Variants in MET observed in about 807,000 individuals in gnomAD.
MET encodes hepatocyte growth factor receptor.
MET carries 48 observed loss-of-function variants against 133.1 expected under a neutral mutation model. The ratio of observed to expected loss-of-function variants is 0.36; its 90% CI spans 0.29 to 0.46. MET has a LOEUF of 0.46. Among genes scored for constraint, MET ranks in the 20% least tolerant of loss-of-function variants. The pLI, the probability that MET is intolerant of heterozygous loss-of-function variation, is 1.00. For synonymous variants in MET, 628 were observed against 616.5 expected, an observed-to-expected ratio of 1.02 and a Z score of -0.28; for missense variants, 1,442 against 1,695.9, an observed-to-expected ratio of 0.85 and a Z score of 2.63.
chr7:116,734,065 T>G (rs1295127328), intron 3 of MET, among the ~76,000 whole-genome samples: 1 of 152,214 alleles, frequency 6.6e-6, no homozygotes, highest in Non-Finnish European at 1.5e-5. Flanking sequence ...AGCACAGATA[T>G]GGCAACCTCC....
chr7:116,729,757 T>A (rs1792926493), intron 2 of MET, among the ~76,000 whole-genome samples: 1 of 152,198 alleles, frequency 6.6e-6, no homozygotes, highest in Non-Finnish European at 1.5e-5. Context: ...TACTCCCATT[T>A]GTCCCTTATA....
At chr7:116,695,417 T>C (rs1287589229) in intron 1 of MET, among the ~76,000 whole-genome samples, 2 of 152,236 alleles carry the variant, frequency 1.3e-5, no homozygotes, top group Non-Finnish European at 2.9e-5. Flanking sequence ...ATATACTCTA[T>C]ATTGATCAAA....
At chr7:116,687,101 G>A (rs569283948) in intron 1 of MET, among the ~76,000 whole-genome samples, 1 of 152,302 alleles carries the variant, frequency 6.6e-6, no homozygotes, top group African/African-American at 2.4e-5. Flanking sequence ...TGGAAAAGTT[G>A]TTTGTTTTAA....
intron 14 of MET, among the ~76,000 whole-genome samples, 159 bp downstream of exon 14, chr7:116,772,148 C>T (rs1442009256): frequency 6.6e-6 from 1 of 152,002 alleles, no homozygotes; most frequent in African/African-American, 2.4e-5. Flanking sequence ...TTACATGGCT[C>T]TTAATTTTAA....
chr7:116,755,204 C>G, intron 5 of MET, 151 bp from the exon 6 acceptor site: 3 of 884,154 alleles, frequency 3.4e-6, no homozygotes, highest in Non-Finnish European at 5.2e-6. Flanking sequence ...GACCCTTTTC[C>G]CTTTAGTGAA....
chr7:116,740,307 G>A (rs1793395050), intron 4 of MET, among the ~76,000 whole-genome samples: 3 of 152,046 alleles, frequency 2.0e-5, no homozygotes. Context: ...TTCTCCTTTT[G>A]TCCTATATTT....
intron 1 of MET, among the ~76,000 whole-genome samples, chr7:116,691,915 T>A (rs912040209): frequency 6.6e-6 from 1 of 152,172 alleles, no homozygotes; most frequent in Non-Finnish European, 1.5e-5. Context: ...TTGAAAGATG[T>A]AGACCATGTG....
At chr7:116,721,267 T>A (rs1326011916) in intron 2 of MET, among the ~76,000 whole-genome samples, 1 of 152,272 alleles carries the variant, frequency 6.6e-6, no homozygotes, top group Non-Finnish European at 1.5e-5. Flanking sequence ...TTCTAGTTTA[T>A]TTGCGTAGAA....
chr7:116,695,447 C>A (rs73469178), intron 1 of MET, among the ~76,000 whole-genome samples: 1 of 152,294 alleles, frequency 6.6e-6, no homozygotes, highest in African/African-American at 2.4e-5. Context: ...GAGATGAGAT[C>A]TCTTTTTGAT....
chr7:116,755,929 A>T (rs1794161630), intron 6 of MET, among the ~76,000 whole-genome samples: 1 of 152,118 alleles, frequency 6.6e-6, no homozygotes, highest in Admixed American at 6.5e-5. Context: ...CACTTTCTAA[A>T]CCTCAGAAAT....
chr7:116,781,906 A>G, intron 17 of MET, 82 bp from the exon 18 acceptor site: 1 of 914,944 alleles, frequency 1.1e-6, no homozygotes, highest in East Asian at 2.6e-5. Flanking sequence ...AATTTTTTAT[A>G]AATAAATATT....
At chr7:116,750,162 C>T (rs563278893) in intron 5 of MET, among the ~76,000 whole-genome samples, 11 of 152,272 alleles carry the variant, frequency 7.2e-5, no homozygotes, top group African/African-American at 1.9e-4. Flanking sequence ...GGTGGCATCA[C>T]GCTACCTGAC....
intron 1 of MET, among the ~76,000 whole-genome samples, chr7:116,693,611 T>C (rs1285885083): frequency 6.6e-6 from 1 of 152,210 alleles, no homozygotes; most frequent in Non-Finnish European, 1.5e-5. Flanking sequence ...GATTGATTGA[T>C]TGGTAAGCCC....
intron 19 of MET, among the ~76,000 whole-genome samples, chr7:116,787,558 A>G (rs975127967): frequency 6.6e-6 from 1 of 152,202 alleles, no homozygotes; most frequent in Admixed American, 6.5e-5. Context: ...AGAGGTGAAC[A>G]GATTCTCTAA....
intron 11 of MET, among the ~76,000 whole-genome samples, chr7:116,768,036 A>G (rs1480743073): frequency 6.6e-6 from 1 of 150,580 alleles, no homozygotes; most frequent in African/African-American, 2.4e-5. Flanking sequence ...GTATATATAT[A>G]TATATATAAC....
chr7:116,786,383 A>G (rs1795316662), intron 19 of MET, among the ~76,000 whole-genome samples: 2 of 152,364 alleles, frequency 1.3e-5, no homozygotes, highest in Non-Finnish European at 2.9e-5. Flanking sequence ...GGCTGGGAAT[A>G]TGCTTTTGAG....
intron 1 of MET, among the ~76,000 whole-genome samples, chr7:116,683,077 T>C (rs901765923): frequency 6.6e-6 from 1 of 152,180 alleles, no homozygotes; most frequent in African/African-American, 2.4e-5. Context: ...TTTTCTTTTT[T>C]AAAAAAATTA....
At chr7:116,693,546 G>A (rs770648346) in intron 1 of MET, among the ~76,000 whole-genome samples, 2 of 152,148 alleles carry the variant, frequency 1.3e-5, no homozygotes, top group Non-Finnish European at 2.9e-5. Context: ...CTAAACCTAG[G>A]CCCTCTCCAG....
At chr7:116,744,651 C>T (rs1793595988) in intron 5 of MET, among the ~76,000 whole-genome samples, 2 of 152,160 alleles carry the variant, frequency 1.3e-5, no homozygotes. Context: ...CCCAACCTAG[C>T]AAGACAGCCC....
Sources: gnomAD v4.1 joint callset for allele counts (sites outside exome capture counted in the v4.1 genomes callset) on GRCh38, gnomAD v4.1.1 for gene constraint, MANE v1.5 for transcripts, NCBI Gene and HGNC (gene_info 2026-07-23, HGNC 2026-07-21) for gene names.